The following SYNDIG1L variants were observed in gnomAD, a reference collection of about 807,000 sequenced individuals.
The protein encoded by SYNDIG1L is synapse differentiation-inducing gene protein 1-like.
A neutral mutation model predicts 20.1 loss-of-function variants in SYNDIG1L; 13 were observed. The observed-to-expected ratio is 0.65, with a 90% CI of 0.42 to 1.03. The LOEUF (loss-of-function observed/expected upper bound fraction) is 1.03. Ranked by LOEUF, SYNDIG1L falls within the 50% of genes least tolerant of loss-of-function variation. The pLI, the probability that SYNDIG1L is intolerant of heterozygous loss-of-function variation, is 0.00. For synonymous variants in SYNDIG1L, 128 were observed against 129.3 expected, an observed-to-expected ratio of 0.99 and a Z score of 0.07; for missense variants, 294 against 305.1, an observed-to-expected ratio of 0.96 and a Z score of 0.27.
At chr14:74,437,471 C>G in the SYNDIG1L span, among the ~76,000 whole-genome samples, 2 of 152,164 alleles carry the variant, frequency 1.3e-5, no homozygotes, top group South Asian at 4.1e-4. Context: ...GGTTGCCAGG[C>G]AGGTGAGGCT....
At chr14:74,412,985 C>A (rs963339756) in intron 1 of SYNDIG1L, among the ~76,000 whole-genome samples, 1 of 152,160 alleles carries the variant, frequency 6.6e-6, no homozygotes, top group Non-Finnish European at 1.5e-5. Flanking sequence ...GAGCAGATTA[C>A]TGCATCTGAC....
At chr14:74,477,930 C>T in the SYNDIG1L span, among the ~76,000 whole-genome samples, 5 of 152,312 alleles carry the variant, frequency 3.3e-5, no homozygotes, top group South Asian at 1.0e-3. Flanking sequence ...CTGTAGAAGA[C>T]GACCTTTCAA....
At chr14:74,437,010 C>G in the SYNDIG1L span, among the ~76,000 whole-genome samples, 1 of 152,158 alleles carries the variant, frequency 6.6e-6, no homozygotes, top group Non-Finnish European at 1.5e-5. Flanking sequence ...TCATACTTGT[C>G]TCTCCTTCAC....
In SYNDIG1L at chr14:74,425,935, C is replaced by G. The variant is rs2086261381; in HGVS notation, c.-81G>C. 6.6e-6 allele frequency: 1 copy of G among 152,238 alleles called. No homozygotes were observed. Among genetic ancestry groups the G allele is most frequent in the South Asian group, 2.0e-4 (1 of 4,962 alleles). The allele number at this position is 152,238 out of a possible 1,614,324, so 9.4% of individuals were successfully genotyped here. On this transcript the variant is annotated 5_prime_UTR_variant, in exon 1 of 4. Transcript: ENST00000331628. ...ACCTGTCCCGCCGCGGACGGTCCCGCCTCCTCCGCGGGGCTCGGGGGCTCG... is the reference window on the plus strand; with the variant it reads ...ACCTGTCCCGCCGCGGACGGTCCCGGCTCCTCCGCGGGGCTCGGGGGCTCG...
At chr14:74,476,218 T>C in the SYNDIG1L span, 1 of 579,630 alleles carries the variant, frequency 1.7e-6, no homozygotes, top group Non-Finnish European at 3.1e-6. Context: ...GCAATGCATT[T>C]CTCCAGCGCT....
the SYNDIG1L span, among the ~76,000 whole-genome samples, chr14:74,463,384 C>A: frequency 6.6e-6 from 1 of 152,124 alleles, no homozygotes; most frequent in Admixed American, 6.5e-5. Context: ...CAGAGTGTCC[C>A]TTCTTTGCCT....
At chr14:74,461,533 C>A in the SYNDIG1L span, among the ~76,000 whole-genome samples, 3 of 152,224 alleles carry the variant, frequency 2.0e-5, 1 homozygote, top group African/African-American at 7.2e-5. Flanking sequence ...GTACATTAGG[C>A]CCTCTCTCTT....
the SYNDIG1L span, among the ~76,000 whole-genome samples, chr14:74,447,451 G>T: frequency 1.3e-5 from 2 of 152,062 alleles, no homozygotes; most frequent in African/African-American, 4.8e-5. Context: ...GCTGAGAGTG[G>T]TGGCGCACGC....
rs781564138 is a variant in SYNDIG1L, at chr14:74,406,070, A to G, written c.*1465T>C. The G allele has an allele frequency of 2.8e-5, 11 of 398,504 alleles. No individual in the cohort carries two copies. Among genetic ancestry groups the G allele is most frequent in the Admixed American group, 4.4e-5 (1 of 22,706 alleles). 24.7% of individuals were successfully genotyped at this position (398,504 alleles called of 1,614,324 possible). ...GGGCTCTGGATGGGGCATGGGAATG[A>G]CCAGGTTCCCACATCATGCACAGCA... On this transcript the variant is annotated 3_prime_UTR_variant, in exon 4 of 4. Transcript: ENST00000331628.
At chr14:74,411,732 G>T (rs946026327) in intron 1 of SYNDIG1L, among the ~76,000 whole-genome samples, 1 of 152,100 alleles carries the variant, frequency 6.6e-6, no homozygotes, top group Admixed American at 6.5e-5. Flanking sequence ...TTCCTAGGAA[G>T]CGGGGTGGGG....
chr14:74,445,474 G>T, the SYNDIG1L span, among the ~76,000 whole-genome samples: 4 of 151,910 alleles, frequency 2.6e-5, no homozygotes, highest in Non-Finnish European at 4.4e-5. Context: ...GTGTGTGTGT[G>T]TGTGTGTGTG....
the SYNDIG1L span, among the ~76,000 whole-genome samples, chr14:74,460,497 C>A: frequency 1.3e-5 from 2 of 152,234 alleles, no homozygotes; most frequent in African/African-American, 4.8e-5. Context: ...CGGGCTACAA[C>A]CCCACGCACT....
the SYNDIG1L span, among the ~76,000 whole-genome samples, chr14:74,448,346 G>A: frequency 2.7e-3 from 410 of 152,146 alleles, 1 homozygote; most frequent in African/African-American, 9.3e-3. Flanking sequence ...TCAAAAGAAG[G>A]CTGGAGCTGA....
At chr14:74,427,714 A>C (rs964344410), upstream of SYNDIG1L, among the ~76,000 whole-genome samples, 1 of 152,152 alleles carries the variant, frequency 6.6e-6, no homozygotes, top group Admixed American at 6.5e-5. Flanking sequence ...CCCATACTTC[A>C]TCTTCACAGA....
the SYNDIG1L span, among the ~76,000 whole-genome samples, chr14:74,452,735 T>C: frequency 6.6e-6 from 1 of 152,228 alleles, no homozygotes; most frequent in East Asian, 1.9e-4. Flanking sequence ...CATTCTTAAG[T>C]ATTTACCCAT....
the SYNDIG1L span, among the ~76,000 whole-genome samples, chr14:74,435,828 C>G: frequency 6.6e-6 from 1 of 152,152 alleles, no homozygotes; most frequent in Non-Finnish European, 1.5e-5. Flanking sequence ...AAGTGAGGAG[C>G]AGTTTTGATT....
At chr14:74,456,986 C>A in the SYNDIG1L span, among the ~76,000 whole-genome samples, 2 of 152,012 alleles carry the variant, frequency 1.3e-5, no homozygotes, top group African/African-American at 4.8e-5. Context: ...TATCAGGAGG[C>A]GTATTTAATG....
At chr14:74,428,152 G>A (rs1041371043), upstream of SYNDIG1L, among the ~76,000 whole-genome samples, 1 of 152,248 alleles carries the variant, frequency 6.6e-6, no homozygotes, top group South Asian at 2.1e-4. Context: ...TTGGCTGTGC[G>A]ACCTTAGGCA....
chr14:74,461,256 A>G, the SYNDIG1L span, among the ~76,000 whole-genome samples: 1 of 151,918 alleles, frequency 6.6e-6, no homozygotes, highest in African/African-American at 2.4e-5. Context: ...CCATCACACC[A>G]ATTTTCTCTT....
Sources: gnomAD v4.1 joint callset for allele counts (sites outside exome capture counted in the v4.1 genomes callset) on GRCh38, gnomAD v4.1.1 for gene constraint, MANE v1.5 for transcripts, NCBI Gene and HGNC (gene_info 2026-07-23, HGNC 2026-07-21) for gene names.